RBFOX1: variants seen among roughly 807,000 people sequenced by gnomAD.
RBFOX1 encodes the protein RNA binding protein fox-1 homolog 1.
In RBFOX1, 8 loss-of-function variants were observed where a neutral mutation model predicts 57.7. That is an observed-to-expected ratio of 0.14 (90% CI 0.08 to 0.25). The LOEUF (loss-of-function observed/expected upper bound fraction) is 0.25, where lower values mean the gene tolerates loss of function less well. Among genes scored for constraint, RBFOX1 ranks in the 10% least tolerant of loss-of-function variants. The probability of loss-of-function intolerance (pLI) is 1.00; values close to 1 mark genes in which losing one functional copy is unlikely to be tolerated. For missense variants in RBFOX1, 611 were observed against 548.5 expected, an observed-to-expected ratio of 1.11 and a Z score of -1.14; for synonymous variants, 326 against 222.4, an observed-to-expected ratio of 1.47 and a Z score of -4.15.
intron 3 of RBFOX1, among the ~76,000 whole-genome samples, chr16:5,765,556 C>A (rs964904718): frequency 2.6e-5 from 4 of 152,326 alleles, no homozygotes; most frequent in Non-Finnish European, 1.5e-5. Context: ...GCCAGACACA[C>A]AGAGAGTGCT....
At chr16:7,473,016 C>T (rs955995302) in intron 4 of RBFOX1, among the ~76,000 whole-genome samples, 3 of 152,106 alleles carry the variant, frequency 2.0e-5, no homozygotes, top group African/African-American at 7.2e-5. Context: ...ACCTCACAGT[C>T]CTTATATTCA....
intron 11 of RBFOX1, among the ~76,000 whole-genome samples, chr16:7,640,112 G>T (rs1027540362): frequency 1.3e-5 from 2 of 152,206 alleles, no homozygotes; most frequent in Non-Finnish European, 2.9e-5. Flanking sequence ...ACAGTCCTCA[G>T]AATAGGTTCA....
At chr16:7,355,162 C>A (rs1378820315) in intron 4 of RBFOX1, among the ~76,000 whole-genome samples, 1 of 152,092 alleles carries the variant, frequency 6.6e-6, no homozygotes, top group Non-Finnish European at 1.5e-5. Flanking sequence ...TTGCTGAAGT[C>A]CCAGGGCATT....
At chr16:6,854,336 A>G (rs1034138242) in intron 3 of RBFOX1, among the ~76,000 whole-genome samples, 3 of 152,116 alleles carry the variant, frequency 2.0e-5, no homozygotes, top group Admixed American at 6.5e-5. Flanking sequence ...GGTACAAATT[A>G]TGGAACCTAT....
chr16:5,276,946 C>T (rs1334923374), intron 1 of RBFOX1, among the ~76,000 whole-genome samples: 1 of 152,180 alleles, frequency 6.6e-6, no homozygotes, highest in Non-Finnish European at 1.5e-5. Context: ...TACTAAGTAT[C>T]TACCCAGAGA....
intron 2 of RBFOX1, among the ~76,000 whole-genome samples, chr16:5,586,444 T>C (rs4786723): frequency 0.28 from 43,092 of 152,116 alleles, 7,781 homozygotes; most frequent in East Asian, 0.5. Flanking sequence ...TTCATTTACT[T>C]CTGACTCAAG....
chr16:6,656,203 T>A (rs1441794598), intron 3 of RBFOX1, among the ~76,000 whole-genome samples: 1 of 152,216 alleles, frequency 6.6e-6, no homozygotes, highest in Non-Finnish European at 1.5e-5. Context: ...ATTCCGCTCA[T>A]GTCAGAGTGT....
Position 6,886,122 on chromosome 16 carries a change from C to T in RBFOX1, c.-15-165935C>T, listed in dbSNP as rs542410223. Among the ~76,000 whole-genome samples the T allele has an allele frequency of 3.6e-4, 54 of 148,644 alleles. 1 individual carries two copies. Among genetic ancestry groups the T allele is most frequent in the African/African-American group, 1.3e-3 (53 of 40,028 alleles). On this transcript the variant is annotated intron_variant, in intron 3 of 15. Coordinates refer to ENST00000550418, the MANE Select transcript of RBFOX1 (RefSeq NM_018723.4). ...CTGTCACCAGGCTGGAGTGCAGTGA[C>T]GTGATCTCGGCTCACTGCATCCTCC...
At chr16:6,108,927 C>A (rs146010067) in intron 1 of RBFOX1, among the ~76,000 whole-genome samples, 23 of 152,188 alleles carry the variant, frequency 1.5e-4, no homozygotes, top group African/African-American at 5.5e-4. Context: ...AATAATCACC[C>A]CATCTGAAGA....
chr16:7,302,920 T>A (rs960856742), intron 4 of RBFOX1, among the ~76,000 whole-genome samples: 8 of 152,084 alleles, frequency 5.3e-5, no homozygotes, highest in African/African-American at 1.7e-4. Context: ...AATGTTAATT[T>A]GGCCAAGGAG....
intron 1 of RBFOX1, among the ~76,000 whole-genome samples, chr16:5,373,885 T>C (rs1389390822): frequency 6.6e-6 from 1 of 152,180 alleles, no homozygotes; most frequent in Non-Finnish European, 1.5e-5. Context: ...ATTACAGGCA[T>C]GAGCCACTGT....
chr16:6,469,257 T>G (rs1172912422), intron 2 of RBFOX1, among the ~76,000 whole-genome samples: 2 of 152,156 alleles, frequency 1.3e-5, no homozygotes, highest in Non-Finnish European at 2.9e-5. Context: ...CCAAACCTAA[T>G]AAGAGTACTG....
At chr16:5,887,881 G>T (rs1213108177) in intron 4 of RBFOX1, among the ~76,000 whole-genome samples, 1 of 152,188 alleles carries the variant, frequency 6.6e-6, no homozygotes, top group African/African-American at 2.4e-5. Flanking sequence ...AGCAAAATTT[G>T]AGGGATACCA....
intron 3 of RBFOX1, among the ~76,000 whole-genome samples, chr16:6,961,675 G>T (rs994671700): frequency 6.6e-6 from 1 of 152,130 alleles, no homozygotes; most frequent in African/African-American, 2.4e-5. Context: ...CTGGGAAAGG[G>T]GTGGGGACTT....
At chr16:7,673,157 C>G (rs1483313133) in intron 13 of RBFOX1, among the ~76,000 whole-genome samples, 1 of 152,104 alleles carries the variant, frequency 6.6e-6, no homozygotes, top group Admixed American at 6.6e-5. Flanking sequence ...CTAGCACACA[C>G]AGGTTTCCCC....
Position 6,195,186 on chromosome 16 carries a change from C to T in RBFOX1, c.-126-121809C>T, listed in dbSNP as rs576331743. ...CGACATATTTTCCTTTATAAAATGCCTTCTTACCTACCGCCTTTTTATCCC... is the reference window on the plus strand; with the variant it reads ...CGACATATTTTCCTTTATAAAATGCTTTCTTACCTACCGCCTTTTTATCCC... On this transcript the variant is annotated intron_variant, in intron 1 of 15. Coordinates refer to ENST00000550418, the MANE Select transcript of RBFOX1 (RefSeq NM_018723.4). 3.3e-5 allele frequency among the ~76,000 whole-genome samples: 5 copies of T among 152,270 alleles called. No homozygotes were observed. In the South Asian group the frequency reaches 6.2e-4, roughly 19 times the overall value.
chr16:6,609,874 G>T (rs2098015478), intron 2 of RBFOX1, among the ~76,000 whole-genome samples: 1 of 151,998 alleles, frequency 6.6e-6, no homozygotes, highest in Non-Finnish European at 1.5e-5. Context: ...TGGGTGTGGT[G>T]GTGCGCACCT....
chr16:6,228,471 A>T (rs918393503), intron 1 of RBFOX1, among the ~76,000 whole-genome samples: 2 of 152,086 alleles, frequency 1.3e-5, no homozygotes, highest in African/African-American at 4.8e-5. Context: ...CATGAAATAC[A>T]ATTCAGCCTT....
At chr16:7,180,783 G>C (rs2082546191) in intron 4 of RBFOX1, among the ~76,000 whole-genome samples, 1 of 151,308 alleles carries the variant, frequency 6.6e-6, no homozygotes, top group South Asian at 2.1e-4. Flanking sequence ...TATTACCACA[G>C]GGAAAGTTTA....
Sources: gnomAD v4.1 joint callset for allele counts (sites outside exome capture counted in the v4.1 genomes callset) on GRCh38, gnomAD v4.1.1 for gene constraint, MANE v1.5 for transcripts, NCBI Gene and HGNC (gene_info 2026-07-23, HGNC 2026-07-21) for gene names.